The following NPAS3 variants were observed in gnomAD, a reference collection of about 807,000 sequenced individuals.
NPAS3 encodes the protein neuronal PAS domain-containing protein 3.
Under a neutral mutation model 73.1 loss-of-function variants are expected in NPAS3, and 14 were observed. The ratio of observed to expected loss-of-function variants is 0.19; its 90% CI spans 0.13 to 0.30. NPAS3 has a LOEUF of 0.30. NPAS3 is among the 10% of genes least tolerant of loss of function. NPAS3 has a pLI of 1.00. For missense variants in NPAS3, 1,096 were observed against 1,250.0 expected (o/e 0.88, Z 1.86); for synonymous variants, 620 against 541.5 (o/e 1.14, Z -2.01).
intron 5 of NPAS3, among the ~76,000 whole-genome samples, chr14:33,654,226 TAATC>T (rs1436447986): frequency 4.6e-5 from 7 of 152,164 alleles, no homozygotes; most frequent in Admixed American, 3.3e-4. Flanking sequence ...ATTAATAATC[TAATC>T]AATCAATTAA....
intron 5 of NPAS3, among the ~76,000 whole-genome samples, chr14:33,621,150 A>G (rs2058065044): frequency 6.6e-6 from 1 of 152,122 alleles, no homozygotes; most frequent in Non-Finnish European, 1.5e-5. Context: ...TAAAGACAAA[A>G]TTGAGATGGA....
intron 1 of NPAS3, among the ~76,000 whole-genome samples, chr14:33,032,192 G>A (rs1284457345): frequency 3.9e-5 from 6 of 152,218 alleles, no homozygotes; most frequent in African/African-American, 1.4e-4. Flanking sequence ...ACATGATGCG[G>A]CTGAAGATTG....
chr14:33,440,635 G>A (rs1016681890), intron 4 of NPAS3, among the ~76,000 whole-genome samples: 5 of 152,212 alleles, frequency 3.3e-5, no homozygotes, highest in Admixed American at 3.3e-4. Context: ...GCTCACGCCT[G>A]TAATCCCAGC....
intron 4 of NPAS3, among the ~76,000 whole-genome samples, chr14:33,367,882 C>A (rs976303101): frequency 6.6e-6 from 1 of 151,994 alleles, no homozygotes; most frequent in Non-Finnish European, 1.5e-5. Context: ...TTACCTAGCC[C>A]GAGAGAAAAT....
intron 2 of NPAS3, among the ~76,000 whole-genome samples, chr14:33,079,485 A>G (rs974631683): frequency 6.7e-5 from 10 of 149,866 alleles, no homozygotes; most frequent in African/African-American, 2.5e-4. Context: ...CGCCCAGCTA[A>G]TTTTGTATTT....
chr14:33,064,447 C>T (rs1454111483), intron 2 of NPAS3, among the ~76,000 whole-genome samples: 1 of 152,152 alleles, frequency 6.6e-6, no homozygotes, highest in Admixed American at 6.5e-5. Flanking sequence ...CTGTCCTCTG[C>T]TCTGTAAATG....
rs1567041826 is a variant in NPAS3, at chr14:33,598,417, G to A, written c.558+38207G>A. 2.0e-5 allele frequency among the ~76,000 whole-genome samples: 3 copies of A among 152,204 alleles called. No individual in the cohort carries two copies. The East Asian group carries it at 5.8e-4, about 29-fold the overall frequency. ...GTGATGATGTGTGTATATGTGAATA[G>A]TTTTAATAAGTCATCATTCTATTTT... On this transcript the variant is annotated intron_variant, in intron 5 of 11. Transcript: ENST00000356141.
intron 6 of NPAS3, among the ~76,000 whole-genome samples, chr14:33,721,487 C>CA (rs1208342124): frequency 9.9e-5 from 15 of 151,914 alleles, no homozygotes; most frequent in Non-Finnish European, 2.1e-4. Context: ...TTTAACACCC[C>CA]AAAAAAATCA....
intron 3 of NPAS3, among the ~76,000 whole-genome samples, chr14:33,217,628 A>G (rs996389059): frequency 1.5e-4 from 23 of 152,204 alleles, no homozygotes; most frequent in African/African-American, 5.3e-4. Flanking sequence ...GTTTGTAGTC[A>G]ATAGGCTTTC....
chr14:33,720,488 G>A (rs2061077355), intron 6 of NPAS3, among the ~76,000 whole-genome samples: 1 of 152,194 alleles, frequency 6.6e-6, no homozygotes, highest in Non-Finnish European at 1.5e-5. Context: ...GCTACAAGAT[G>A]TAGCCACATT....
At chr14:33,641,988 A>G (rs2058687662) in intron 5 of NPAS3, among the ~76,000 whole-genome samples, 1 of 152,140 alleles carries the variant, frequency 6.6e-6, no homozygotes. Context: ...GATTCCCAAC[A>G]GCAGGGAAGA....
At chr14:33,098,540 A>G (rs1205483202) in intron 2 of NPAS3, among the ~76,000 whole-genome samples, 1 of 152,212 alleles carries the variant, frequency 6.6e-6, no homozygotes, top group African/African-American at 2.4e-5. Context: ...GAAGTCACAC[A>G]GCTGGTAAAG....
At chr14:33,362,201 TCTAAGCCATGCACAGATAC>T (rs1467245901) in intron 3 of NPAS3, among the ~76,000 whole-genome samples, 1 of 152,180 alleles carries the variant, frequency 6.6e-6, no homozygotes, top group Non-Finnish European at 1.5e-5. Context: ...TCTCCCAGTG[TCTAAGCCATGCACAGATAC>T]TGAGGCGTTT....
chr14:33,460,810 CA>C (rs1280629084), intron 4 of NPAS3, among the ~76,000 whole-genome samples: 3 of 151,492 alleles, frequency 2.0e-5, no homozygotes, highest in African/African-American at 7.3e-5. Flanking sequence ...AACCAACTAA[CA>C]AAACTAGATT....
chr14:33,479,337 C>G (rs562217845), intron 4 of NPAS3, among the ~76,000 whole-genome samples: 1 of 152,144 alleles, frequency 6.6e-6, no homozygotes, highest in South Asian at 2.1e-4. Flanking sequence ...GTACCATCAC[C>G]ACTAGTCTCT....
chr14:33,636,345 G>T (rs982749490), intron 5 of NPAS3, among the ~76,000 whole-genome samples: 1 of 152,194 alleles, frequency 6.6e-6, no homozygotes, highest in Non-Finnish European at 1.5e-5. Flanking sequence ...AGCATTAAAG[G>T]CTCACGCTAG....
At chr14:33,637,254 C>T (rs964625087) in intron 5 of NPAS3, among the ~76,000 whole-genome samples, 3 of 151,996 alleles carry the variant, frequency 2.0e-5, no homozygotes, top group African/African-American at 4.8e-5. Context: ...TTTTCTTCTT[C>T]GATACTGAAA....
intron 6 of NPAS3, chr14:33,680,912 T>C: frequency 2.1e-6 from 1 of 477,884 alleles, no homozygotes; most frequent in Non-Finnish European, 3.7e-6. Context: ...TTTGTGGCAT[T>C]AGGATCATCA....
chr14:33,293,635 A>C (rs2042184247), intron 3 of NPAS3, among the ~76,000 whole-genome samples: 1 of 152,178 alleles, frequency 6.6e-6, no homozygotes, highest in Non-Finnish European at 1.5e-5. Flanking sequence ...AAGACTTCTC[A>C]TGAACGGTAG....
Sources: gnomAD v4.1 joint callset for allele counts (sites outside exome capture counted in the v4.1 genomes callset) on GRCh38, gnomAD v4.1.1 for gene constraint, MANE v1.5 for transcripts, NCBI Gene and HGNC (gene_info 2026-07-23, HGNC 2026-07-21) for gene names.